The following DGKB variants were observed in gnomAD, a reference collection of about 807,000 sequenced individuals.
DGKB encodes the protein 90 kDa diacylglycerol kinase.
Under a neutral mutation model 114.3 loss-of-function variants are expected in DGKB, and 67 were observed. The ratio of observed to expected loss-of-function variants is 0.59; its 90% confidence interval spans 0.48 to 0.72. The LOEUF (loss-of-function observed/expected upper bound fraction) is 0.72, where lower values mean the gene tolerates loss of function less well. Among genes scored for constraint, DGKB ranks in the 30% least tolerant of loss-of-function variants. The probability of loss-of-function intolerance (pLI) is 0.00; values close to 1 mark genes in which losing one functional copy is unlikely to be tolerated. For synonymous variants in DGKB, 398 were observed against 323.1 expected, an observed-to-expected ratio of 1.23 and a Z score of -2.49; for missense variants, 907 against 975.2, an observed-to-expected ratio of 0.93 and a Z score of 0.93.
intron 20 of DGKB, among the ~76,000 whole-genome samples, chr7:14,516,169 T>C (rs1419956502): frequency 6.6e-6 from 1 of 152,138 alleles, no homozygotes. Flanking sequence ...GAAAAACAAT[T>C]TTTCATATCT....
intron 22 of DGKB, among the ~76,000 whole-genome samples, chr7:14,342,444 G>C (rs977712601): frequency 6.6e-6 from 1 of 151,468 alleles, no homozygotes; most frequent in African/African-American, 2.4e-5. Context: ...ATAAACATTG[G>C]TTTTAAAATA....
intron 1 of DGKB, among the ~76,000 whole-genome samples, chr7:14,962,831 A>G (rs1334478830): frequency 6.6e-6 from 1 of 152,160 alleles, no homozygotes; most frequent in Admixed American, 6.6e-5. Context: ...AAGCTATTAT[A>G]TGATTCAGGA....
chr7:14,523,178 T>C (rs1257542818), intron 20 of DGKB, among the ~76,000 whole-genome samples: 1 of 152,204 alleles, frequency 6.6e-6, no homozygotes, highest in Non-Finnish European at 1.5e-5. Flanking sequence ...CCTTCCTAAA[T>C]AATAACTTCT....
intron 22 of DGKB, among the ~76,000 whole-genome samples, chr7:14,341,702 T>C (rs551523317): frequency 1.8e-4 from 27 of 151,928 alleles, no homozygotes; most frequent in Non-Finnish European, 3.2e-4. Context: ...TTTCAATTTT[T>C]CTGCCAATGT....
intron 22 of DGKB, among the ~76,000 whole-genome samples, chr7:14,340,439 C>A (rs945599145): frequency 6.6e-6 from 1 of 151,348 alleles, no homozygotes; most frequent in Non-Finnish European, 1.5e-5. Context: ...TATTTTTTAA[C>A]CTTATTTGCA....
rs926090585 is a variant in DGKB, at chr7:14,146,895, G to C, written c.*2236C>G. On this transcript the variant is annotated 3_prime_UTR_variant, in exon 26 of 26. Coordinates refer to ENST00000402815, the MANE Select transcript of DGKB (RefSeq NM_001350709.2). ...GTTGTTTAATTTGTCTCATCCCACTGTCTATCCAACAGCTTTCTACTGTAC... is the reference window on the plus strand; with the variant it reads ...GTTGTTTAATTTGTCTCATCCCACTCTCTATCCAACAGCTTTCTACTGTAC... 1 of 152,120 alleles carries C rather than the reference G, an allele frequency of 6.6e-6. No individual in the cohort carries two copies. The highest frequency in any genetic ancestry group is 2.4e-5 in the African/African-American group (1 of 41,436). 9.4% of individuals were successfully genotyped at this position (152,120 alleles called of 1,614,324 possible).
At chr7:14,176,454 C>A (rs1781752877) in intron 25 of DGKB, 38 of 990,498 alleles carry the variant, frequency 3.8e-5, no homozygotes, top group Non-Finnish European at 4.6e-5. Context: ...AATAAGTTCA[C>A]ATATAAGCTT....
chr7:14,825,610 T>C (rs1412845914), intron 2 of DGKB, among the ~76,000 whole-genome samples: 4 of 152,114 alleles, frequency 2.6e-5, no homozygotes, highest in African/African-American at 9.7e-5. Flanking sequence ...GGCGAGTGGC[T>C]GTAAATACAG....
intron 23 of DGKB, among the ~76,000 whole-genome samples, chr7:14,321,601 A>G (rs2128535982): frequency 6.7e-6 from 1 of 149,892 alleles, no homozygotes; most frequent in Admixed American, 6.6e-5. Flanking sequence ...ACAGAGAAAT[A>G]AGAAAAAAAA....
intron 22 of DGKB, among the ~76,000 whole-genome samples, chr7:14,340,757 G>C (rs1294066486): frequency 6.6e-6 from 1 of 151,644 alleles, no homozygotes; most frequent in East Asian, 1.9e-4. Context: ...ATAAAGGTCT[G>C]GCTTCCCCCA....
intron 1 of DGKB, among the ~76,000 whole-genome samples, chr7:14,937,494 G>A (rs1031804191): frequency 3.9e-5 from 6 of 152,078 alleles, no homozygotes; most frequent in African/African-American, 7.2e-5. Context: ...TATAGTCTGT[G>A]TGTATATGTA....
intron 15 of DGKB, among the ~76,000 whole-genome samples, 172 bp from the exon 16 acceptor site, chr7:14,613,585 G>T (rs942971297): frequency 1.1e-4 from 16 of 147,534 alleles, no homozygotes; most frequent in Non-Finnish European, 2.1e-4. Context: ...GCGTGTGTAT[G>T]TGTGTGTGGT....
At chr7:14,641,043 T>C (rs17667513) in intron 13 of DGKB, among the ~76,000 whole-genome samples, 2,623 of 152,298 alleles carry the variant, frequency 0.017, 38 homozygotes, top group Non-Finnish European at 0.028. Flanking sequence ...AATATCAACA[T>C]AGAAGTTCAC....
chr7:14,476,593 T>C lies in DGKB; in HGVS notation c.1835+1568A>G, dbSNP rs115635701. Among the ~76,000 whole-genome samples, 825 of 152,184 alleles carry C rather than the reference T, an allele frequency of 5.4e-3. 4 individuals are homozygous for C. The highest frequency in any genetic ancestry group is 0.019 in the African/African-American group (786 of 41,522). On this transcript the variant is annotated intron_variant, in intron 21 of 25. Transcript: ENST00000402815. Reference sequence around the variant, plus strand: ...CTGAAAATATATGTACACATATATATCCATATATGCATTTATTTCATTTTC... The same window carrying C: ...CTGAAAATATATGTACACATATATACCCATATATGCATTTATTTCATTTTC...
intron 2 of DGKB, among the ~76,000 whole-genome samples, chr7:14,834,508 C>T (rs1386287685): frequency 2.0e-5 from 3 of 152,080 alleles, no homozygotes; most frequent in African/African-American, 7.2e-5. Context: ...GAGAAGGTAT[C>T]AGAGCCAGCA....
intron 1 of DGKB, among the ~76,000 whole-genome samples, chr7:14,847,795 G>C (rs1357343441): frequency 2.6e-5 from 4 of 152,112 alleles, no homozygotes; most frequent in Admixed American, 2.6e-4. Flanking sequence ...TAAACTAACT[G>C]ACAAAAGTTA....
At chr7:14,653,807 A>T (rs1815179199) in intron 13 of DGKB, among the ~76,000 whole-genome samples, 1 of 152,100 alleles carries the variant, frequency 6.6e-6, no homozygotes, top group Non-Finnish European at 1.5e-5. Flanking sequence ...ACCAAAACAA[A>T]GCAATTCATA....
intron 9 of DGKB, among the ~76,000 whole-genome samples, chr7:14,686,663 G>C (rs1821739870): frequency 1.3e-5 from 2 of 152,044 alleles, no homozygotes. Context: ...TCCCAGTCAA[G>C]GGATAAACCA....
intron 23 of DGKB, among the ~76,000 whole-genome samples, chr7:14,256,935 G>A (rs1315846734): frequency 6.6e-6 from 1 of 152,148 alleles, no homozygotes; most frequent in South Asian, 2.1e-4. Flanking sequence ...GGAGGTTGAG[G>A]TGGGAGAATT....
Sources: gnomAD v4.1 joint callset for allele counts (sites outside exome capture counted in the v4.1 genomes callset) on GRCh38, gnomAD v4.1.1 for gene constraint, MANE v1.5 for transcripts, NCBI Gene and HGNC (gene_info 2026-07-23, HGNC 2026-07-21) for gene names.